RBM47: variants seen among roughly 807,000 people sequenced by gnomAD.
RBM47 encodes RNA binding motif protein 47, also known as RNA-binding protein 47.
In RBM47, 21 loss-of-function variants were observed where a neutral mutation model predicts 47.1. That is an observed-to-expected ratio of 0.45 (90% confidence interval 0.32 to 0.64). RBM47 has a LOEUF of 0.64. Among genes scored for constraint, RBM47 ranks in the 30% least tolerant of loss-of-function variants. The pLI is 0.05. For missense variants in RBM47, 708 were observed against 870.9 expected, an observed-to-expected ratio of 0.81 and a Z score of 2.35; for synonymous variants, 375 against 361.7, an observed-to-expected ratio of 1.04 and a Z score of -0.42.
intron 1 of RBM47, among the ~76,000 whole-genome samples, chr4:40,586,536 CGCCTTACCCTGTTAA>C (rs1453916639): frequency 9.3e-5 from 14 of 150,660 alleles, no homozygotes; most frequent in South Asian, 8.5e-4. Context: ...GAGATGAAAA[CGCCTTACCCTGTTAA>C]CCAGAACAGC....
At chr4:40,494,143 TACA>T (rs986971340) in intron 2 of RBM47, among the ~76,000 whole-genome samples, 5 of 152,248 alleles carry the variant, frequency 3.3e-5, no homozygotes, top group Non-Finnish European at 5.9e-5. Flanking sequence ...AAATTGAACT[TACA>T]ACAAGTTTAC....
intron 1 of RBM47, among the ~76,000 whole-genome samples, chr4:40,611,357 A>G (rs28545385): frequency 0.018 from 2,747 of 152,290 alleles, 90 homozygotes; most frequent in African/African-American, 0.062. Flanking sequence ...TGTATCTCCA[A>G]TGCCTGACAC....
At chr4:40,478,009 C>CTTTTTTTTTTTTTTTTTT (rs1194806938) in intron 2 of RBM47, among the ~76,000 whole-genome samples, 3 of 86,412 alleles carry the variant, frequency 3.5e-5, no homozygotes, top group African/African-American at 9.7e-5. Context: ...GTGGCATGTT[C>CTTTTTTTTTTTTTTTTTT]TTTTTTTTTT....
rs1175038429 is a variant in RBM47 at position 40,534,483 on chromosome 4, A to G, written c.-155+9939T>C. Among the ~76,000 whole-genome samples, 5 of 152,170 alleles carry G rather than the reference A, an allele frequency of 3.3e-5. 1 individual carries two copies. The highest frequency in any genetic ancestry group is 5.9e-5 in the Non-Finnish European group (4 of 68,042). On this transcript the variant is annotated intron_variant, in intron 2 of 6. Transcript: ENST00000295971. ...TATAATTGCATATTACACTCCGTAT[A>G]GCTAAAATTCAGGGTGTAGATTCCA...
At chr4:40,456,261 G>A (rs968992139) in intron 3 of RBM47, among the ~76,000 whole-genome samples, 3 of 152,146 alleles carry the variant, frequency 2.0e-5, no homozygotes, top group Non-Finnish European at 4.4e-5. Context: ...AATTACTGAA[G>A]CAGGTTTAAG....
chr4:40,429,841 C>G (rs779200867), intron 6 of RBM47, among the ~76,000 whole-genome samples: 21 of 151,910 alleles, frequency 1.4e-4, no homozygotes, highest in Non-Finnish European at 2.6e-4. Context: ...CCCCTGAGCG[C>G]CTACAAGGTA....
chr4:40,547,322 G>A (rs192257438), intron 1 of RBM47, among the ~76,000 whole-genome samples: 30 of 152,274 alleles, frequency 2.0e-4, no homozygotes, highest in Admixed American at 1.7e-3. Context: ...ATGAGGTCAC[G>A]GGGATGGGCC....
At chr4:40,528,989 A>AAT (rs1727076258) in intron 2 of RBM47, among the ~76,000 whole-genome samples, 1 of 150,406 alleles carries the variant, frequency 6.6e-6, no homozygotes, top group South Asian at 2.2e-4. Context: ...AATAAATAAT[A>AAT]AAGAAAGAAA....
rs143917494 is a variant in RBM47 at position 40,472,994 on chromosome 4, A to G, written c.-154-6295T>C. On this transcript the variant is annotated intron_variant, in intron 2 of 6. Transcript: ENST00000295971. ...TCCTGAAACATTCCCAAATCACCTTATCCTATGCCACATCCAACGATGTCC... is the reference window on the plus strand; with the variant it reads ...TCCTGAAACATTCCCAAATCACCTTGTCCTATGCCACATCCAACGATGTCC... Among the ~76,000 whole-genome samples, 374 of 152,292 alleles carry G rather than the reference A, an allele frequency of 2.5e-3. 2 individuals carry two copies. Among genetic ancestry groups the G allele is most frequent in the African/African-American group, 8.8e-3 (365 of 41,564 alleles).
intron 1 of RBM47, among the ~76,000 whole-genome samples, chr4:40,587,004 CACATTACTAAA>C (rs1305757797): frequency 2.6e-5 from 4 of 152,062 alleles, no homozygotes; most frequent in Non-Finnish European, 5.9e-5. Flanking sequence ...TAGTAATATC[CACATTACTAAA>C]GGGAACTTCC....
At chr4:40,612,626 G>C (rs1736362466) in intron 1 of RBM47, among the ~76,000 whole-genome samples, 1 of 152,178 alleles carries the variant, frequency 6.6e-6, no homozygotes, top group Non-Finnish European at 1.5e-5. Flanking sequence ...TGATCCAACA[G>C]GGCATTTGTA....
At chr4:40,592,257 C>CTT (rs55974728) in intron 1 of RBM47, among the ~76,000 whole-genome samples, 21 of 139,346 alleles carry the variant, frequency 1.5e-4, no homozygotes, top group African/African-American at 4.7e-4. Flanking sequence ...TTTTCTTTTA[C>CTT]TTTTTTTTTT....
intron 2 of RBM47, among the ~76,000 whole-genome samples, chr4:40,505,996 T>G (rs1724055628): frequency 6.6e-6 from 1 of 152,124 alleles, no homozygotes; most frequent in South Asian, 2.1e-4. Flanking sequence ...CCTTGGGGGT[T>G]GGGTGGGCAG....
At chr4:40,544,243 A>G (rs925322961) in intron 2 of RBM47, 179 bp downstream of exon 2, 1 of 152,350 alleles carries the variant, frequency 6.6e-6, no homozygotes, top group African/African-American at 2.4e-5. Context: ...TTACAAACAT[A>G]CAGGGCACTC....
chr4:40,616,118 C>T (rs1160071085), intron 1 of RBM47, among the ~76,000 whole-genome samples: 3 of 151,928 alleles, frequency 2.0e-5, no homozygotes, highest in Admixed American at 6.6e-5. Context: ...TTTGGGAGGC[C>T]GAGGCGGGCG....
At position 40,493,451 on chromosome 4, in the gene RBM47, C is replaced by A. The variant is rs376833894; in HGVS notation, c.-154-26752G>T. ...GTAAGTGCTCAAAGAATGTGAAATT[C>A]TTTCTTCACAAAGAGCCCTAGGAAT... On this transcript the variant is annotated intron_variant, in intron 2 of 6. Transcript: ENST00000295971. 1.4e-4 allele frequency among the ~76,000 whole-genome samples: 22 copies of A among 152,242 alleles called. No homozygotes were observed. In the East Asian group the frequency reaches 4.0e-3, roughly 28 times the overall value.
chr4:40,551,183 T>C (rs1226930172), intron 1 of RBM47, among the ~76,000 whole-genome samples: 1 of 152,216 alleles, frequency 6.6e-6, no homozygotes, highest in African/African-American at 2.4e-5. Context: ...CACATCACTA[T>C]GGGCTTGGGT....
chr4:40,541,491 C>G (rs773489711), intron 2 of RBM47, among the ~76,000 whole-genome samples: 26 of 152,108 alleles, frequency 1.7e-4, no homozygotes, highest in Non-Finnish European at 3.1e-4. Context: ...AATCCCAGCA[C>G]TTTGGGCGGC....
At position 40,529,515 on chromosome 4, in the gene RBM47, C is replaced by CAAAAAAAAAAA. The variant is rs56381747; in HGVS notation, c.-155+14896_-155+14906dup. 1.6e-4 allele frequency among the ~76,000 whole-genome samples: 3 copies of CAAAAAAAAAAA among 18,338 alleles called. 1 individual carries two copies. Among genetic ancestry groups the CAAAAAAAAAAA allele is most frequent in the African/African-American group, 3.7e-4 (2 of 5,462 alleles). 12.0% of individuals were successfully genotyped at this position (18,338 alleles called of 152,430 possible). A position where few individuals can be genotyped will look rare whatever the true frequency, so the allele number is the denominator to read the frequency against. Reference sequence around the variant, plus strand: ...TGGGTGACAGAAGGAGACTCTGTCACAAAAAAAAAAAAAAAAAAAAAAAAA... The same window carrying CAAAAAAAAAAA: ...TGGGTGACAGAAGGAGACTCTGTCACAAAAAAAAAAAAAAAAAAAAAAAAAAAAAAAAAAAA... On this transcript the variant is annotated intron_variant, in intron 2 of 6. Coordinates refer to ENST00000295971, the MANE Select transcript of RBM47 (RefSeq NM_001098634.2).
Sources: allele counts gnomAD v4.1 joint callset (sites outside exome capture counted in the v4.1 genomes callset), GRCh38; gene constraint gnomAD v4.1.1; transcripts MANE v1.5; gene names NCBI Gene and HGNC (gene_info 2026-07-23, HGNC 2026-07-21).